The following PTPRN2 variants were observed in gnomAD, a reference collection of about 807,000 sequenced individuals.
PTPRN2 encodes the protein protein tyrosine phosphatase receptor type N2, also known as receptor-type tyrosine-protein phosphatase N2.
A neutral mutation model predicts 118.8 loss-of-function variants in PTPRN2; 74 were observed. The ratio of observed to expected loss-of-function variants is 0.62; its 90% CI spans 0.52 to 0.76. The LOEUF (loss-of-function observed/expected upper bound fraction) is 0.76, where lower values mean the gene tolerates loss of function less well. Ranked by LOEUF, PTPRN2 falls within the 30% of genes least tolerant of loss-of-function variation. PTPRN2 has a pLI of 0.00. For missense variants in PTPRN2, 1,481 were observed against 1,394.4 expected (o/e 1.06, Z -0.99); for synonymous variants, 641 against 608.0 (o/e 1.05, Z -0.80).
intron 5 of PTPRN2, among the ~76,000 whole-genome samples, chr7:158,169,987 C>T (rs1254802715): frequency 6.6e-6 from 1 of 152,186 alleles, no homozygotes; most frequent in Non-Finnish European, 1.5e-5. Flanking sequence ...CCACTGTGCC[C>T]AGCCATTATC....
At chr7:157,634,942 C>T (rs1804217545) in intron 14 of PTPRN2, among the ~76,000 whole-genome samples, 1 of 152,222 alleles carries the variant, frequency 6.6e-6, no homozygotes. Context: ...AAGAACCTAA[C>T]AGGCCTCCAG....
At chr7:158,293,403 C>T (rs1348887119) in intron 3 of PTPRN2, among the ~76,000 whole-genome samples, 2 of 151,850 alleles carry the variant, frequency 1.3e-5, no homozygotes, top group African/African-American at 4.8e-5. Context: ...TGGTTAAACC[C>T]CGTCTCTACT....
chr7:157,747,422 C>G (rs1411926371), intron 12 of PTPRN2, among the ~76,000 whole-genome samples: 1 of 130,116 alleles, frequency 7.7e-6, no homozygotes, highest in African/African-American at 3.1e-5. Flanking sequence ...CGTCCCTGAG[C>G]TTTGGGCTGT....
At chr7:158,180,420 A>G (rs1824600381) in intron 5 of PTPRN2, among the ~76,000 whole-genome samples, 1 of 152,016 alleles carries the variant, frequency 6.6e-6, no homozygotes, top group East Asian at 1.9e-4. Context: ...ATGCCTCCAG[A>G]TCTGTTCTTT....
intron 11 of PTPRN2, among the ~76,000 whole-genome samples, chr7:158,036,963 A>G (rs866724320): frequency 1.3e-5 from 2 of 152,190 alleles, no homozygotes; most frequent in African/African-American, 2.4e-5. Context: ...TGCAGATGAC[A>G]TATTTGTTTA....
chr7:158,472,914 G>A (rs1024645222), intron 2 of PTPRN2, among the ~76,000 whole-genome samples: 10 of 152,062 alleles, frequency 6.6e-5, no homozygotes, highest in African/African-American at 2.4e-4. Flanking sequence ...TGCAAATCAG[G>A]TCCCAAATGC....
intron 9 of PTPRN2, among the ~76,000 whole-genome samples, chr7:158,111,968 A>G (rs1196667031): frequency 4.6e-5 from 7 of 152,206 alleles, no homozygotes; most frequent in Non-Finnish European, 1.0e-4. Context: ...ACTCAGAGAC[A>G]AACGCACAGG....
chr7:158,519,668 A>G (rs1823838707), intron 1 of PTPRN2, among the ~76,000 whole-genome samples: 1 of 152,138 alleles, frequency 6.6e-6, no homozygotes, highest in Admixed American at 6.5e-5. Flanking sequence ...TGGCCATACA[A>G]CATCCCCAAG....
At chr7:158,338,289 T>A (rs866697396) in intron 2 of PTPRN2, among the ~76,000 whole-genome samples, 62 of 16,852 alleles carry the variant, frequency 3.7e-3, no homozygotes, top group East Asian at 5.5e-3. Context: ...TGACACCTGC[T>A]GACGTCACTC....
Position 157,886,204 on chromosome 7 carries a change from C to G in PTPRN2, c.1788+12469G>C, listed in dbSNP as rs1796436331. ...TCCCTAGGGAACCTGCAGGGACAAT[C>G]TTGCCTTCCACTAAGACCCAGGCAC... On this transcript the variant is annotated intron_variant, in intron 12 of 22. Transcript: ENST00000389418. Among the ~76,000 whole-genome samples the G allele has an allele frequency of 2.0e-5, 3 of 152,172 alleles. No individual in the cohort carries two copies. The South Asian group carries it at 6.2e-4, about 32-fold the overall frequency.
chr7:157,871,674 A>G (rs1041090319), intron 12 of PTPRN2, among the ~76,000 whole-genome samples: 1 of 151,854 alleles, frequency 6.6e-6, no homozygotes, highest in African/African-American at 2.4e-5. Flanking sequence ...ATTTTTTCCT[A>G]TTATAAACTA....
intron 2 of PTPRN2, among the ~76,000 whole-genome samples, chr7:158,406,285 C>CTG (rs1813423929): frequency 3.3e-5 from 4 of 119,576 alleles, no homozygotes; most frequent in Non-Finnish European, 5.3e-5. Context: ...CACTGAGATC[C>CTG]CGGTGGCTCA....
chr7:157,846,230 T>C (rs1563166106), intron 12 of PTPRN2, among the ~76,000 whole-genome samples: 1 of 152,092 alleles, frequency 6.6e-6, no homozygotes, highest in Non-Finnish European at 1.5e-5. Context: ...ACAAGTCTTC[T>C]GAAAACTGGC....
chr7:158,372,371 AC>A (rs1810109264), intron 2 of PTPRN2, among the ~76,000 whole-genome samples: 1 of 82,058 alleles, frequency 1.2e-5, no homozygotes, highest in African/African-American at 5.1e-5. Flanking sequence ...CCCAGGCTGG[AC>A]CCCAGAGCTG....
At position 158,493,744 on chromosome 7, in the gene PTPRN2, C is replaced by T. The variant is rs376663449; in HGVS notation, c.113-3959G>A. On this transcript the variant is annotated intron_variant, in intron 1 of 22. Transcript: ENST00000389418. ...GCAGACACGTACACGTATGCACACA[C>T]GTACATGGGTACACTCATGCATGCA... 7.1e-5 allele frequency among the ~76,000 whole-genome samples: 7 copies of T among 99,218 alleles called. No homozygotes were observed. The South Asian group carries it at 1.6e-3, about 23-fold the overall frequency. 65.1% of individuals were successfully genotyped at this position (99,218 alleles called of 152,430 possible). A position where few individuals can be genotyped will look rare whatever the true frequency, so the allele number is the denominator to read the frequency against.
chr7:158,291,855 G>A lies in PTPRN2; in HGVS notation c.277+24964C>T, dbSNP rs149874574. ...CACAAGAAAGTTTAACTCAAGAAGA[G>A]AGAGATGAAAGAGGGAGAGAAAGAA... is the stretch of plus-strand genomic sequence containing the variant. On this transcript the variant is annotated intron_variant, in intron 3 of 22. Transcript: ENST00000389418. 7.9e-5 allele frequency among the ~76,000 whole-genome samples: 12 copies of A among 152,342 alleles called. No homozygotes were observed. The East Asian group carries it at 2.1e-3, about 27-fold the overall frequency.
chr7:157,819,896 T>G (rs892285142), intron 12 of PTPRN2, among the ~76,000 whole-genome samples: 1 of 148,880 alleles, frequency 6.7e-6, no homozygotes, highest in Non-Finnish European at 1.5e-5. Flanking sequence ...AGACACATGC[T>G]TATGTGCACA....
chr7:157,895,257 G>GAGA (rs1167247166), intron 12 of PTPRN2, among the ~76,000 whole-genome samples: 7 of 150,552 alleles, frequency 4.6e-5, no homozygotes, highest in Admixed American at 2.6e-4. Context: ...GGGTCTGGAC[G>GAGA]AGACCATAAA....
intron 11 of PTPRN2, among the ~76,000 whole-genome samples, chr7:158,071,188 CTCATGG>C (rs1274546033): frequency 4.7e-5 from 1 of 21,478 alleles, no homozygotes; most frequent in Non-Finnish European, 8.6e-5. Context: ...TATGGAGGTG[CTCATGG>C]TGGTGGAGGT....
Sources: gnomAD v4.1 joint callset for allele counts (sites outside exome capture counted in the v4.1 genomes callset) on GRCh38, gnomAD v4.1.1 for gene constraint, MANE v1.5 for transcripts, NCBI Gene and HGNC (gene_info 2026-07-23, HGNC 2026-07-21) for gene names.